Variants in ALDH2 observed in about 807,000 individuals in gnomAD.
ALDH2 encodes aldehyde dehydrogenase 2 family member.
In ALDH2, 44 loss-of-function variants were observed where a neutral mutation model predicts 59.6. The ratio of observed to expected loss-of-function variants is 0.74; its 90% CI spans 0.58 to 0.95. ALDH2 has a LOEUF of 0.95. Ranked by LOEUF, ALDH2 falls within the 40% of genes least tolerant of loss-of-function variation. The probability of loss-of-function intolerance (pLI) is 0.00; values close to 1 mark genes in which losing one functional copy is unlikely to be tolerated. For missense variants in ALDH2, 570 were observed against 696.3 expected (o/e 0.82, Z 2.04); for synonymous variants, 291 against 284.0 (o/e 1.02, Z -0.25).
chr12:111,806,814 A>C (rs1370745455), intron 12 of ALDH2, among the ~76,000 whole-genome samples: 1 of 151,926 alleles, frequency 6.6e-6, no homozygotes, highest in Non-Finnish European at 1.5e-5. Context: ...TCTACTAAAA[A>C]TGCAAAAATT....
At chr12:111,801,317 A>G (rs189286053) in intron 11 of ALDH2, among the ~76,000 whole-genome samples, 156 of 152,272 alleles carry the variant, frequency 1.0e-3, no homozygotes, top group African/African-American at 3.5e-3. Flanking sequence ...ACAATTCAAG[A>G]TGAGATTTGG....
intron 12 of ALDH2, among the ~76,000 whole-genome samples, chr12:111,806,058 A>G (rs1459877156): frequency 2.6e-5 from 4 of 151,182 alleles, no homozygotes; most frequent in African/African-American, 9.7e-5. Flanking sequence ...TCACACCTGT[A>G]ATCCTAGCAC....
chr12:111,798,032 G>A (rs2068419339), intron 9 of ALDH2, 46 bp from the exon 10 acceptor site: 2 of 1,611,194 alleles, frequency 1.2e-6, no homozygotes, highest in African/African-American at 2.7e-5. Context: ...GCCTAGGAGA[G>A]GTCTGAATCC....
At chr12:111,772,603 C>T (rs954134691) in intron 1 of ALDH2, among the ~76,000 whole-genome samples, 9 of 151,820 alleles carry the variant, frequency 5.9e-5, no homozygotes, top group Non-Finnish European at 8.8e-5. Flanking sequence ...CCTTGTGATC[C>T]ACCCGCCTTG....
chr12:111,767,818 T>C (rs2068170897), intron 1 of ALDH2, among the ~76,000 whole-genome samples: 1 of 152,230 alleles, frequency 6.6e-6, no homozygotes, highest in Non-Finnish European at 1.5e-5. Flanking sequence ...AGTTCTAGAC[T>C]TCACAGAGGC....
chr12:111,789,504 A>G (rs568720832), intron 4 of ALDH2, among the ~76,000 whole-genome samples: 13 of 150,082 alleles, frequency 8.7e-5, no homozygotes, highest in African/African-American at 3.3e-4. Context: ...AAAAAAAAAA[A>G]GAAAAGAAAA....
At chr12:111,808,671 C>T (rs2136029941) in intron 12 of ALDH2, among the ~76,000 whole-genome samples, 1 of 152,098 alleles carries the variant, frequency 6.6e-6, no homozygotes, top group East Asian at 1.9e-4. Context: ...CGCCACTGCA[C>T]TCCAGCCTGG....
intron 12 of ALDH2, among the ~76,000 whole-genome samples, chr12:111,808,899 A>T (rs1249119290): frequency 3.3e-5 from 5 of 152,164 alleles, no homozygotes; most frequent in African/African-American, 9.6e-5. Flanking sequence ...GCGACTCTGG[A>T]TATAGAGAGG....
At chr12:111,790,096 C>G (rs1431298470) in intron 5 of ALDH2, among the ~76,000 whole-genome samples, 162 bp downstream of exon 5, 1 of 152,198 alleles carries the variant, frequency 6.6e-6, no homozygotes, top group African/African-American at 2.4e-5. Flanking sequence ...AGCACTGCCA[C>G]TCGTGAATTC....
rs549949844 is a variant in ALDH2, at chr12:111,793,462, G to A, written c.1083+680G>A. Among the ~76,000 whole-genome samples, 8 of 152,104 alleles carry A rather than the reference G, an allele frequency of 5.3e-5. No homozygotes were observed. In the South Asian group the frequency reaches 1.0e-3, roughly 20 times the overall value. ...ACAGAGGGTGCCCATATATTCCTTC[G>A]CACCTCCCTGTTCCACCAGTTTCCC... On this transcript the variant is annotated intron_variant, in intron 9 of 12. Coordinates refer to ENST00000261733, the MANE Select transcript of ALDH2 (RefSeq NM_000690.4).
At chr12:111,803,780 T>C in intron 11 of ALDH2, 79 bp from the exon 12 acceptor site, 1 of 929,824 alleles carries the variant, frequency 1.1e-6, no homozygotes, top group Non-Finnish European at 1.5e-6. Flanking sequence ...AATAAAGACT[T>C]TGGGGCAATA....
intron 4 of ALDH2, among the ~76,000 whole-genome samples, chr12:111,786,528 G>A (rs2068310809): frequency 6.6e-6 from 1 of 151,526 alleles, no homozygotes; most frequent in African/African-American, 2.4e-5. Context: ...GAGCCACCAC[G>A]CCTGGCGATT....
intron 4 of ALDH2, among the ~76,000 whole-genome samples, chr12:111,787,750 G>A (rs947255288): frequency 3.3e-5 from 5 of 152,122 alleles, no homozygotes; most frequent in African/African-American, 1.2e-4. Context: ...ACAAAACTTA[G>A]GCTGTGCGCG....
At position 111,810,638 on chromosome 12, in the gene ALDH2, T is replaced by C. The variant is rs1354391512; in HGVS notation, c.*1063T>C. 1 of 151,652 alleles carries C rather than the reference T, an allele frequency of 6.6e-6. No homozygotes were observed. The highest frequency in any genetic ancestry group is 1.5e-5 in the Non-Finnish European group (1 of 68,074). The allele number at this position is 151,652 out of a possible 1,614,324, so 9.4% of individuals were successfully genotyped here. ...TTTTTTTTTTTTTGAGACAGGGTCT[T>C]GCTCTGCCATCCAGGCTGGAGTGCA... On this transcript the variant is annotated 3_prime_UTR_variant, in exon 13 of 13. Transcript: ENST00000261733.
chr12:111,771,192 T>G (rs2068197046), intron 1 of ALDH2, among the ~76,000 whole-genome samples: 1 of 151,916 alleles, frequency 6.6e-6, no homozygotes, highest in Non-Finnish European at 1.5e-5. Context: ...CCCCAGGAGT[T>G]CGAGACCAGC....
At chr12:111,793,476 C>T (rs2068378757) in intron 9 of ALDH2, among the ~76,000 whole-genome samples, 1 of 152,140 alleles carries the variant, frequency 6.6e-6, no homozygotes, top group Non-Finnish European at 1.5e-5. Flanking sequence ...CTCCCTGTTC[C>T]ACCAGTTTCC....
Position 111,802,609 on chromosome 12 carries a change from T to G in ALDH2, c.1407-1250T>G, listed in dbSNP as rs905415368. Among the ~76,000 whole-genome samples, 52 of 145,276 alleles carry G rather than the reference T, an allele frequency of 3.6e-4. No homozygotes were observed. In the South Asian group the frequency reaches 6.8e-3, roughly 19 times the overall value. On this transcript the variant is annotated intron_variant, in intron 11 of 12. Coordinates refer to ENST00000261733, the MANE Select transcript of ALDH2 (RefSeq NM_000690.4). Reference sequence around the variant, plus strand: ...AAAGAAAAGAAAAAGGGCAGGGCGCTGTGGTTCACACCTGTAATCCCAGCA... The same window carrying G: ...AAAGAAAAGAAAAAGGGCAGGGCGCGGTGGTTCACACCTGTAATCCCAGCA...
chr12:111,789,996 C>T, intron 5 of ALDH2, 62 bp downstream of exon 5: 1 of 1,511,720 alleles, frequency 6.6e-7, no homozygotes, highest in South Asian at 1.1e-5. Context: ...CTGCCAGACT[C>T]ATTGCAGAGG....
intron 1 of ALDH2, among the ~76,000 whole-genome samples, chr12:111,773,423 T>C (rs1186591754): frequency 6.6e-6 from 1 of 152,210 alleles, no homozygotes; most frequent in African/African-American, 2.4e-5. Flanking sequence ...GACATGTGTA[T>C]GTATTCCCTG....
Sources: gnomAD v4.1 joint callset for allele counts (sites outside exome capture counted in the v4.1 genomes callset) on GRCh38, gnomAD v4.1.1 for gene constraint, MANE v1.5 for transcripts, NCBI Gene and HGNC (gene_info 2026-07-23, HGNC 2026-07-21) for gene names.